The following QKI variants were observed in gnomAD, a reference collection of about 807,000 sequenced individuals.
QKI encodes QKI, KH domain containing RNA binding, also known as KH domain-containing RNA-binding protein QKI.
Under a neutral mutation model 39.0 loss-of-function variants are expected in QKI, and 10 were observed. That is an observed-to-expected ratio of 0.26 (90% CI 0.16 to 0.43). The LOEUF is 0.43. Among genes scored for constraint, QKI ranks in the 20% least tolerant of loss-of-function variants. The probability of loss-of-function intolerance (pLI) is 1.00; values close to 1 mark genes in which losing one functional copy is unlikely to be tolerated. For missense variants in QKI, 218 were observed against 428.0 expected, an observed-to-expected ratio of 0.51 and a Z score of 4.33; for synonymous variants, 204 against 155.4, an observed-to-expected ratio of 1.31 and a Z score of -2.33.
intron 2 of QKI, among the ~76,000 whole-genome samples, chr6:163,470,713 G>GA (rs1410434041): frequency 1.3e-5 from 2 of 152,062 alleles, no homozygotes; most frequent in Non-Finnish European, 2.9e-5. Context: ...AGCTATAAAA[G>GA]AAAAACTAAG....
In QKI at chr6:163,575,084, T is replaced by TG. The variant is rs1162823165; in HGVS notation, c.*4375dup. On this transcript the variant is annotated 3_prime_UTR_variant, in exon 8 of 8. Coordinates refer to ENST00000361752, the MANE Select transcript of QKI (RefSeq NM_006775.3). Reference sequence around the variant, plus strand: ...TGTCTCTGATGGGAGCGGTGGGTAGTGTACTGTTAGGTGGACAGGTCTTTT... The same window carrying TG: ...TGTCTCTGATGGGAGCGGTGGGTAGTGGTACTGTTAGGTGGACAGGTCTTTT... 3 of 152,198 alleles carry TG rather than the reference T, an allele frequency of 2.0e-5. No homozygotes were observed. The highest frequency in any genetic ancestry group is 7.2e-5 in the African/African-American group (3 of 41,442). 9.4% of individuals were successfully genotyped at this position (152,198 alleles called of 1,614,324 possible).
At chr6:163,560,812 A>G (rs1283042894) in intron 4 of QKI, among the ~76,000 whole-genome samples, 2 of 152,100 alleles carry the variant, frequency 1.3e-5, no homozygotes, top group African/African-American at 4.8e-5. Flanking sequence ...TTGTGTAGAG[A>G]TTGATTGGAG....
intron 1 of QKI, among the ~76,000 whole-genome samples, chr6:163,423,804 A>G (rs1161414164): frequency 6.6e-6 from 1 of 152,214 alleles, no homozygotes; most frequent in African/African-American, 2.4e-5. Context: ...TAATGTAAAA[A>G]TTGTTGCTGC....
chr6:163,505,203 C>T (rs1412491652), intron 3 of QKI, among the ~76,000 whole-genome samples: 2 of 152,132 alleles, frequency 1.3e-5, no homozygotes, highest in Non-Finnish European at 2.9e-5. Context: ...CCTGGATGTC[C>T]AGGCAGAAGT....
At chr6:163,566,386 C>T (rs1783363333) in intron 6 of QKI, 5 of 1,215,160 alleles carry the variant, frequency 4.1e-6, no homozygotes, top group Middle Eastern at 3.4e-4. Context: ...TTTAAGTAGT[C>T]CTGCTGCAAG....
At chr6:163,459,407 C>T (rs1228964112) in intron 2 of QKI, among the ~76,000 whole-genome samples, 1 of 152,152 alleles carries the variant, frequency 6.6e-6, no homozygotes, top group African/African-American at 2.4e-5. Context: ...TACTGTTAAA[C>T]ATCCTGTAAT....
In QKI at chr6:163,576,617, CAT is replaced by C. The variant is rs1310112927; in HGVS notation, c.*5908_*5909del. 6.6e-6 allele frequency: 1 copy of C among 152,032 alleles called. No homozygotes were observed. Among genetic ancestry groups the C allele is most frequent in the African/African-American group, 2.4e-5 (1 of 41,358 alleles). 9.4% of individuals were successfully genotyped at this position (152,032 alleles called of 1,614,324 possible). On this transcript the variant is annotated 3_prime_UTR_variant, in exon 8 of 8. Transcript: ENST00000361752. ...AGTCGAAATAGGTGTTCACAGGTCA[CAT>C]GTGAACGGAGAACTGCATGACCGTA...
chr6:163,435,699 A>G (rs535581576), intron 1 of QKI, among the ~76,000 whole-genome samples: 1 of 152,276 alleles, frequency 6.6e-6, no homozygotes, highest in South Asian at 2.1e-4. Flanking sequence ...AATGAAATCC[A>G]TTTGCCACGT....
chr6:163,445,990 C>T (rs903410110), intron 1 of QKI, among the ~76,000 whole-genome samples: 3 of 152,152 alleles, frequency 2.0e-5, no homozygotes, highest in South Asian at 2.1e-4. Context: ...CAGATTTCTC[C>T]ACTGTAGTTT....
At chr6:163,518,191 C>T (rs1779947704) in intron 3 of QKI, among the ~76,000 whole-genome samples, 1 of 152,126 alleles carries the variant, frequency 6.6e-6, no homozygotes, top group Admixed American at 6.5e-5. Context: ...CTAGGGAAAT[C>T]TTGTTTTTCA....
intron 3 of QKI, among the ~76,000 whole-genome samples, chr6:163,512,217 G>A (rs774491554): frequency 2.0e-5 from 3 of 151,888 alleles, no homozygotes; most frequent in East Asian, 3.9e-4. Flanking sequence ...CTTATGAAAA[G>A]ACATAGTAAT....
rs564041890 is a variant in QKI at position 163,572,926 on chromosome 6, C to T, written c.*2216C>T. The T allele has an allele frequency of 1.3e-5, 2 of 152,002 alleles. 1 individual carries two copies. The highest frequency in any genetic ancestry group is 2.9e-5 in the Non-Finnish European group (2 of 68,018). The allele number at this position is 152,002 out of a possible 1,614,324, so 9.4% of individuals were successfully genotyped here. ...AGTTTTGATTTATTTACAATATATG[C>T]TGTGCCATTTTGATTTTTATATTGT... On this transcript the variant is annotated 3_prime_UTR_variant, in exon 8 of 8. Transcript: ENST00000361752.
chr6:163,484,065 G>A (rs1177376621), intron 3 of QKI, among the ~76,000 whole-genome samples: 1 of 152,178 alleles, frequency 6.6e-6, no homozygotes, highest in African/African-American at 2.4e-5. Context: ...ACAATGAGCA[G>A]TAATATTTGG....
rs1783961146 is a variant in QKI, at chr6:163,576,088, C to A, written c.*5378C>A. ...GTAGTTTTTTACATTGTCACGAATT[C>A]CTTAATACCTTTATTTAAAATGGAA... On this transcript the variant is annotated 3_prime_UTR_variant, in exon 8 of 8. Coordinates refer to ENST00000361752, the MANE Select transcript of QKI (RefSeq NM_006775.3). The A allele has an allele frequency of 6.6e-6, 1 of 152,066 alleles. No homozygotes were observed. The allele number at this position is 152,066 out of a possible 1,614,324, so 9.4% of individuals were successfully genotyped here. A position where few individuals can be genotyped will look rare whatever the true frequency, so the allele number is the denominator to read the frequency against.
intron 3 of QKI, among the ~76,000 whole-genome samples, chr6:163,518,880 A>G (rs1270439016): frequency 6.6e-6 from 1 of 152,222 alleles, no homozygotes; most frequent in African/African-American, 2.4e-5. Context: ...TATTTTGGCA[A>G]GAATACCTGT....
At chr6:163,559,720 T>C (rs939253693) in intron 4 of QKI, among the ~76,000 whole-genome samples, 5 of 152,232 alleles carry the variant, frequency 3.3e-5, no homozygotes, top group Admixed American at 6.5e-5. Flanking sequence ...AAAAGCTCAC[T>C]GAACAGTTCT....
intron 6 of QKI, chr6:163,564,420 G>T: frequency 7.3e-7 from 1 of 1,368,760 alleles, no homozygotes; most frequent in Non-Finnish European, 9.4e-7. Context: ...ATGTTGTTAT[G>T]CAGGCATGAC....
At chr6:163,518,843 G>C (rs1256715132) in intron 3 of QKI, among the ~76,000 whole-genome samples, 1 of 152,122 alleles carries the variant, frequency 6.6e-6, no homozygotes, top group Non-Finnish European at 1.5e-5. Flanking sequence ...TTTATAGATT[G>C]CCCTTTTCCA....
intron 1 of QKI, among the ~76,000 whole-genome samples, chr6:163,432,334 A>G (rs1788896427): frequency 6.6e-6 from 1 of 152,188 alleles, no homozygotes; most frequent in East Asian, 1.9e-4. Context: ...AATTCACTGA[A>G]TATTTGCCTA....
Sources: gnomAD v4.1 joint callset for allele counts (sites outside exome capture counted in the v4.1 genomes callset) on GRCh38, gnomAD v4.1.1 for gene constraint, MANE v1.5 for transcripts, NCBI Gene and HGNC (gene_info 2026-07-23, HGNC 2026-07-21) for gene names.